ANO3: variants seen among roughly 807,000 people sequenced by gnomAD.
ANO3 encodes anoctamin-3.
A neutral mutation model predicts 144.8 loss-of-function variants in ANO3; 99 were observed. The observed-to-expected ratio is 0.68, with a 90% CI of 0.58 to 0.81. ANO3 has a LOEUF of 0.81. Among genes scored for constraint, ANO3 ranks in the 30% least tolerant of loss-of-function variants. ANO3 has a pLI of 0.00. For missense variants in ANO3, 905 were observed against 1,202.2 expected (o/e 0.75, Z 3.66); for synonymous variants, 414 against 392.6 (o/e 1.05, Z -0.64).
At chr11:26,614,942 C>T (rs752901321) in intron 17 of ANO3, among the ~76,000 whole-genome samples, 26 of 151,898 alleles carry the variant, frequency 1.7e-4, no homozygotes, top group African/African-American at 5.1e-4. Context: ...TGGGGAGGGA[C>T]GAGTGCCAGG....
intron 1 of ANO3, among the ~76,000 whole-genome samples, chr11:26,292,502 T>C (rs1377046084): frequency 6.6e-6 from 1 of 152,202 alleles, no homozygotes; most frequent in African/African-American, 2.4e-5. Flanking sequence ...CTCTGATTTT[T>C]AGAATTTTCA....
intron 13 of ANO3, among the ~76,000 whole-genome samples, chr11:26,554,667 T>C (rs1291031276): frequency 1.3e-5 from 2 of 152,130 alleles, no homozygotes; most frequent in Non-Finnish European, 2.9e-5. Flanking sequence ...CTGTGCATAA[T>C]GAGGGCTCCC....
At chr11:26,521,182 T>C (rs919525706) in intron 6 of ANO3, among the ~76,000 whole-genome samples, 5 of 152,208 alleles carry the variant, frequency 3.3e-5, no homozygotes, top group Admixed American at 1.3e-4. Flanking sequence ...TAGTCTCCAA[T>C]TGACAATTGT....
intron 24 of ANO3, among the ~76,000 whole-genome samples, chr11:26,649,928 A>G (rs1590678141): frequency 6.6e-6 from 1 of 152,132 alleles, no homozygotes; most frequent in Non-Finnish European, 1.5e-5. Flanking sequence ...CTTGTTAGGG[A>G]GCCCTCTTCC....
At chr11:26,456,739 G>T (rs1242516927) in intron 3 of ANO3, among the ~76,000 whole-genome samples, 2 of 125,028 alleles carry the variant, frequency 1.6e-5, no homozygotes, top group Admixed American at 8.2e-5. Flanking sequence ...ATACCCAAAG[G>T]ACTATAAATC....
chr11:26,329,069 T>G (rs1045814836), upstream of ANO3, among the ~76,000 whole-genome samples: 7 of 152,040 alleles, frequency 4.6e-5, no homozygotes, highest in Non-Finnish European at 8.8e-5. Flanking sequence ...GAGAAAAATG[T>G]TTGAAGCTAA....
upstream of ANO3, among the ~76,000 whole-genome samples, chr11:26,307,526 T>C (rs897559647): frequency 2.0e-5 from 3 of 151,692 alleles, no homozygotes; most frequent in African/African-American, 7.3e-5. Flanking sequence ...TATGGTGAAA[T>C]GTCTCTACTA....
chr11:26,421,756 C>T (rs116681398), intron 1 of ANO3, among the ~76,000 whole-genome samples: 1 of 151,894 alleles, frequency 6.6e-6, no homozygotes. Context: ...CATGGAATAC[C>T]ATGCAACTAT....
intron 1 of ANO3, among the ~76,000 whole-genome samples, chr11:26,291,768 T>G (rs1172788864): frequency 2.0e-5 from 3 of 152,200 alleles, no homozygotes; most frequent in Non-Finnish European, 2.9e-5. Context: ...GAGTTTCTGC[T>G]GAGAGATCTG....
At chr11:26,366,392 T>TTGA (rs1414289322) in intron 1 of ANO3, among the ~76,000 whole-genome samples, 3 of 152,200 alleles carry the variant, frequency 2.0e-5, no homozygotes, top group African/African-American at 7.2e-5. Context: ...TCTAGTCTAT[T>TTGA]TGGACATTTG....
At chr11:26,264,286 G>T (rs1853258694) in intron 1 of ANO3, among the ~76,000 whole-genome samples, 1 of 152,152 alleles carries the variant, frequency 6.6e-6, no homozygotes, top group Non-Finnish European at 1.5e-5. Flanking sequence ...TGACTATGAA[G>T]CTTTATGAAG....
chr11:26,229,515 TA>T (rs567583634), intron 1 of ANO3, among the ~76,000 whole-genome samples: 11 of 152,334 alleles, frequency 7.2e-5, no homozygotes, highest in African/African-American at 2.6e-4. Flanking sequence ...AAGTATGACG[TA>T]AATGCTATGA....
chr11:26,251,093 T>C (rs77012442), intron 1 of ANO3, among the ~76,000 whole-genome samples: 2,805 of 152,328 alleles, frequency 0.018, 70 homozygotes, highest in East Asian at 0.13. Flanking sequence ...ATTTAAAGCA[T>C]GATTTCTGCT....
intron 23 of ANO3, among the ~76,000 whole-genome samples, chr11:26,643,651 A>T (rs1206026046): frequency 6.6e-6 from 1 of 152,092 alleles, no homozygotes; most frequent in Non-Finnish European, 1.5e-5. Context: ...GCTACTCGGG[A>T]GGCTGAGACA....
chr11:26,643,282 C>A lies in ANO3; in HGVS notation c.2376C>A (p.Tyr792Ter). Reference protein sequence around the residue: ...NNIIEIRLDAYKFVTQWRRPL... With the variant: ...NNIIEIRLDA The stretch of plus-strand genomic sequence containing the variant: ...TCATTGAAATCAGGCTGGATGCATA[C>A]AAATTTGTCACTCAATGGCGGAGGC... The change falls in exon 23 of 27, where the codon TAC (tyrosine) becomes TAA (stop). Residue 792 changes from tyrosine (Y) to a stop codon, truncating the protein, a stop_gained. Coordinates refer to ENST00000256737, the MANE Select transcript of ANO3 (RefSeq NM_031418.4). LOFTEE classifies it high-confidence loss of function. 6.2e-7 allele frequency: 1 copy of A among 1,614,130 alleles called. No individual in the cohort carries two copies. Among genetic ancestry groups the A allele is most frequent in the Non-Finnish European group, 8.5e-7 (1 of 1,180,006 alleles).
intron 4 of ANO3, among the ~76,000 whole-genome samples, chr11:26,496,282 G>A (rs983787718): frequency 6.6e-6 from 1 of 152,098 alleles, no homozygotes; most frequent in African/African-American, 2.4e-5. Context: ...AATATTTCAA[G>A]AACACTTACT....
intron 1 of ANO3, among the ~76,000 whole-genome samples, chr11:26,440,010 G>A (rs911468085): frequency 1.3e-5 from 2 of 152,098 alleles, no homozygotes; most frequent in Non-Finnish European, 2.9e-5. Flanking sequence ...CATGTAATAG[G>A]CACGCCACAA....
At chr11:26,474,879 G>C (rs552352624) in intron 4 of ANO3, among the ~76,000 whole-genome samples, 1 of 151,904 alleles carries the variant, frequency 6.6e-6, no homozygotes, top group Admixed American at 6.6e-5. Flanking sequence ...AAAAATCAGT[G>C]ATGAGAAAAG....
intron 4 of ANO3, among the ~76,000 whole-genome samples, chr11:26,491,299 T>A (rs914429076): frequency 5.3e-5 from 8 of 152,186 alleles, no homozygotes; most frequent in African/African-American, 1.7e-4. Context: ...ACTCTCTAAT[T>A]TGTCTAGCCT....
Sources: allele counts gnomAD v4.1 joint callset (sites outside exome capture counted in the v4.1 genomes callset), GRCh38; gene constraint gnomAD v4.1.1; transcripts MANE v1.5; gene names NCBI Gene and HGNC (gene_info 2026-07-23, HGNC 2026-07-21).